Variants in PRMT3 observed in about 807,000 individuals in gnomAD.
The protein encoded by PRMT3 is protein arginine N-methyltransferase 3.
A neutral mutation model predicts 71.9 loss-of-function variants in PRMT3; 62 were observed. The observed-to-expected ratio is 0.86, with a 90% CI of 0.70 to 1.07. The LOEUF (loss-of-function observed/expected upper bound fraction) is 1.07, where lower values mean the gene tolerates loss of function less well. PRMT3 is among the 50% of genes least tolerant of loss of function. The pLI is 0.00. For synonymous variants in PRMT3, 213 were observed against 220.4 expected (o/e 0.97, Z 0.30); for missense variants, 663 against 643.0 (o/e 1.03, Z -0.34).
Position 20,458,551 on chromosome 11 carries a change from T to C in PRMT3, c.1073-3429T>C, listed in dbSNP as rs1254352970. Among the ~76,000 whole-genome samples, 7 of 152,280 alleles carry C rather than the reference T, an allele frequency of 4.6e-5. No homozygotes were observed. In the East Asian group the frequency reaches 1.3e-3, roughly 29 times the overall value. ...AAGAAATAATTATTCAATTATAGCTTCTATCTGACAAAAATCAAATGACAA... is the reference window on the plus strand; with the variant it reads ...AAGAAATAATTATTCAATTATAGCTCCTATCTGACAAAAATCAAATGACAA... On this transcript the variant is annotated intron_variant, in intron 11 of 15. Coordinates refer to ENST00000331079, the MANE Select transcript of PRMT3 (RefSeq NM_005788.4).
intron 13 of PRMT3, among the ~76,000 whole-genome samples, chr11:20,479,897 G>A (rs562984388): frequency 2.6e-5 from 4 of 152,206 alleles, no homozygotes; most frequent in East Asian, 1.9e-4. Context: ...TGTCCATTGC[G>A]GCCTTCCTCA....
At chr11:20,399,874 C>T (rs1263906130) in intron 7 of PRMT3, among the ~76,000 whole-genome samples, 1 of 152,180 alleles carries the variant, frequency 6.6e-6, no homozygotes, top group Non-Finnish European at 1.5e-5. Flanking sequence ...CCAGTGCCAC[C>T]TTCTCCCTTT....
chr11:20,486,619 G>A (rs1344742164), intron 13 of PRMT3, among the ~76,000 whole-genome samples: 2 of 152,058 alleles, frequency 1.3e-5, no homozygotes, highest in Non-Finnish European at 2.9e-5. Context: ...AGGAACAATG[G>A]AATTCGGGGA....
intron 12 of PRMT3, 23 bp from the exon 13 acceptor site, chr11:20,464,437 C>G: frequency 1.4e-6 from 2 of 1,452,580 alleles, no homozygotes; most frequent in Non-Finnish European, 1.8e-6. Context: ...TAAGCTCTTT[C>G]TTCACTTCTT....
chr11:20,467,199 C>G (rs751718537), intron 13 of PRMT3, among the ~76,000 whole-genome samples: 1 of 152,142 alleles, frequency 6.6e-6, no homozygotes, highest in Non-Finnish European at 1.5e-5. Context: ...AATGTTAACT[C>G]TTCTGACATT....
intron 8 of PRMT3, 41 bp from the exon 9 acceptor site, chr11:20,407,870 A>G: frequency 1.3e-6 from 2 of 1,546,122 alleles, no homozygotes; most frequent in Non-Finnish European, 1.8e-6. Flanking sequence ...GACCTTTTTG[A>G]TAACATCTGT....
At chr11:20,398,117 A>G (rs1848869926) in intron 7 of PRMT3, among the ~76,000 whole-genome samples, 1 of 152,058 alleles carries the variant, frequency 6.6e-6, no homozygotes, top group African/African-American at 2.4e-5. Flanking sequence ...AAAATATTGG[A>G]AAAACGACAA....
intron 9 of PRMT3, among the ~76,000 whole-genome samples, chr11:20,412,716 A>G (rs1427655278): frequency 8.2e-6 from 1 of 122,004 alleles, no homozygotes; most frequent in African/African-American, 2.8e-5. Context: ...TCCCAGTTTA[A>G]TAATAAAATT....
chr11:20,501,789 T>C (rs530223197), intron 15 of PRMT3, among the ~76,000 whole-genome samples: 4 of 152,322 alleles, frequency 2.6e-5, no homozygotes, highest in Non-Finnish European at 5.9e-5. Flanking sequence ...GTACAAACTT[T>C]TATTGTAAGT....
chr11:20,468,645 A>T (rs993222072), intron 13 of PRMT3, among the ~76,000 whole-genome samples: 1 of 152,194 alleles, frequency 6.6e-6, no homozygotes, highest in African/African-American at 2.4e-5. Context: ...CTGGGATTAC[A>T]GGCATGAACC....
intron 11 of PRMT3, among the ~76,000 whole-genome samples, chr11:20,453,882 T>C (rs1850209601): frequency 6.6e-6 from 1 of 152,202 alleles, no homozygotes; most frequent in Non-Finnish European, 1.5e-5. Context: ...ATCGGACATC[T>C]GAAATGTCGC....
intron 10 of PRMT3, among the ~76,000 whole-genome samples, chr11:20,450,114 C>T (rs1259816817): frequency 6.6e-6 from 1 of 152,034 alleles, no homozygotes; most frequent in Non-Finnish European, 1.5e-5. Flanking sequence ...AACAATTTGA[C>T]AATGACAAAT....
At chr11:20,507,275 G>A (rs777053579) in intron 15 of PRMT3, among the ~76,000 whole-genome samples, 13 of 152,146 alleles carry the variant, frequency 8.5e-5, no homozygotes, top group East Asian at 1.9e-4. Context: ...GTAATTGTTA[G>A]TATAGCTTTT....
chr11:20,406,066 C>A (rs192324359), intron 8 of PRMT3: 1 of 152,268 alleles, frequency 6.6e-6, no homozygotes, highest in African/African-American at 2.4e-5. Context: ...ACAGTACAGT[C>A]GTTCCTTCAG....
chr11:20,428,390 T>G (rs1026728159), intron 10 of PRMT3, among the ~76,000 whole-genome samples: 2 of 152,184 alleles, frequency 1.3e-5, no homozygotes, highest in Admixed American at 6.5e-5. Flanking sequence ...TGTCCAAACT[T>G]CCTGTTACCT....
At position 20,389,803 on chromosome 11, in the gene PRMT3, T is replaced by C; in HGVS notation, c.224T>C (p.Ile75Thr). The part of the protein sequence containing the change: ...SHCKSEHQFN[I>T]DSMVHKHGLE... ...TGTAAGTCTGAGCATCAGTTTAATA[T>C]TGACAGCATGGTTCATAAACATGGT... Residue 75 changes from isoleucine (I) to threonine (T), a missense_variant, in exon 3 of 16, where the codon ATT becomes ACT. Ile to Thr is a moderately conservative substitution (Grantham distance 89, BLOSUM62 -1). Coordinates refer to ENST00000331079, the MANE Select transcript of PRMT3 (RefSeq NM_005788.4). 1 of 1,611,394 alleles carries C rather than the reference T, an allele frequency of 6.2e-7. No individual in the cohort carries two copies. Among genetic ancestry groups the C allele is most frequent in the Non-Finnish European group, 8.5e-7 (1 of 1,177,642 alleles).
chr11:20,487,713 TG>T (rs1380336553), intron 13 of PRMT3, among the ~76,000 whole-genome samples: 4 of 152,182 alleles, frequency 2.6e-5, no homozygotes, highest in African/African-American at 7.2e-5. Flanking sequence ...TCAATGAATA[TG>T]GGTTGTATAA....
intron 10 of PRMT3, among the ~76,000 whole-genome samples, chr11:20,433,215 C>T (rs1168004518): frequency 6.6e-6 from 1 of 152,082 alleles, no homozygotes; most frequent in African/African-American, 2.4e-5. Flanking sequence ...CCAACCTCTA[C>T]CCTCAAGTAG....
At chr11:20,453,264 T>C (rs1444480107) in intron 11 of PRMT3, among the ~76,000 whole-genome samples, 1 of 148,044 alleles carries the variant, frequency 6.8e-6, no homozygotes, top group Non-Finnish European at 1.5e-5. Flanking sequence ...GCAGATCACC[T>C]GAGGTCAGGA....
Sources: allele counts gnomAD v4.1 joint callset (sites outside exome capture counted in the v4.1 genomes callset), GRCh38; gene constraint gnomAD v4.1.1; transcripts MANE v1.5; gene names NCBI Gene and HGNC (gene_info 2026-07-23, HGNC 2026-07-21).